The following MYLIP variants were observed in gnomAD, a reference collection of about 807,000 sequenced individuals.
MYLIP encodes E3 ubiquitin-protein ligase MYLIP.
Under a neutral mutation model 45.8 loss-of-function variants are expected in MYLIP, and 26 were observed. That is an observed-to-expected ratio of 0.57 (90% confidence interval 0.42 to 0.79). MYLIP has a LOEUF of 0.79. MYLIP is among the 30% of genes least tolerant of loss of function. The probability of loss-of-function intolerance (pLI) is 0.00; values close to 1 mark genes in which losing one functional copy is unlikely to be tolerated. For synonymous variants in MYLIP, 213 were observed against 218.1 expected, an observed-to-expected ratio of 0.98 and a Z score of 0.21; for missense variants, 494 against 555.6, an observed-to-expected ratio of 0.89 and a Z score of 1.11.
chr6:16,148,459 CAAGA>C (rs1759839756), downstream of MYLIP, among the ~76,000 whole-genome samples: 1 of 107,364 alleles, frequency 9.3e-6, no homozygotes, highest in African/African-American at 3.5e-5. Context: ...TTTTTTTTTT[CAAGA>C]AAACTTGAAA....
chr6:16,143,105 A>G lies in MYLIP; in HGVS notation c.550A>G (p.Asn184Asp), dbSNP rs1759707353. The G allele has an allele frequency of 5.0e-6, 8 of 1,614,228 alleles. No homozygotes were observed. The highest frequency in any genetic ancestry group is 5.9e-6 in the Non-Finnish European group (7 of 1,180,034). Reference protein sequence around the residue: ...QVLQIVSAMENYGIEWHSVRD... With the variant: ...QVLQIVSAMEDYGIEWHSVRD... ...TTTGCAGATTGTGTCGGCAATGGAA[A>G]ACTATGGCATAGAATGGCATTCTGT... The change falls in exon 4 of 7, where the codon AAC becomes GAC. Residue 184 changes from asparagine (N) to aspartate (D), a missense_variant. Coordinates refer to ENST00000356840, the MANE Select transcript of MYLIP (RefSeq NM_013262.4).
chr6:16,150,065 T>A (rs1190319449), downstream of MYLIP, among the ~76,000 whole-genome samples: 2 of 152,140 alleles, frequency 1.3e-5, no homozygotes, highest in Non-Finnish European at 2.9e-5. Context: ...TTTGAAGACA[T>A]GACAACTTAG....
chr6:16,141,516 G>T, intron 2 of MYLIP, 109 bp from the exon 3 acceptor site: 5 of 1,042,690 alleles, frequency 4.8e-6, no homozygotes, highest in Non-Finnish European at 6.8e-6. Context: ...CATTTTCAGT[G>T]TGACTTTTAA....
chr6:16,132,440 T>A (rs1341430124), intron 2 of MYLIP, among the ~76,000 whole-genome samples: 6 of 152,206 alleles, frequency 3.9e-5, no homozygotes, highest in Non-Finnish European at 8.8e-5. Context: ...TTGAGATTCA[T>A]AATAGTACTC....
At chr6:16,150,544 T>C (rs1759863379), downstream of MYLIP, among the ~76,000 whole-genome samples, 1 of 152,068 alleles carries the variant, frequency 6.6e-6, no homozygotes, top group African/African-American at 2.4e-5. Flanking sequence ...GGAGGGCCTC[T>C]CCTATGCACT....
At position 16,146,063 on chromosome 6, in the gene MYLIP, T is replaced by C. The variant is rs1003543232; in HGVS notation, c.1249-599T>C. Among the ~76,000 whole-genome samples, 7 of 152,354 alleles carry C rather than the reference T, an allele frequency of 4.6e-5. No homozygotes were observed. The South Asian group carries it at 1.0e-3, about 23-fold the overall frequency. On this transcript the variant is annotated intron_variant, in intron 6 of 6. Coordinates refer to ENST00000356840, the MANE Select transcript of MYLIP (RefSeq NM_013262.4). ...AGAGCTAATAAGACCAAATGACCCC[T>C]GTGTCCTTTCCCCAGAAGCAGTCAT...
chr6:16,145,713 G>C (rs1238267891), intron 6 of MYLIP, among the ~76,000 whole-genome samples: 3 of 151,950 alleles, frequency 2.0e-5, no homozygotes, highest in Non-Finnish European at 4.4e-5. Flanking sequence ...TAAGATATTT[G>C]GGAAAGAATA....
intron 1 of MYLIP, 59 bp from the exon 2 acceptor site, chr6:16,130,498 T>C: frequency 1.3e-6 from 2 of 1,518,218 alleles, no homozygotes; most frequent in South Asian, 2.4e-5. Context: ...CAGGGAGCCG[T>C]TGGGTTTGCT....
intron 2 of MYLIP, among the ~76,000 whole-genome samples, chr6:16,132,667 A>C (rs1326103667): frequency 1.3e-5 from 2 of 152,198 alleles, no homozygotes; most frequent in African/African-American, 2.4e-5. Flanking sequence ...GTACCTCTTA[A>C]TTAGGACATC....
chr6:16,141,677 T>C lies in MYLIP; in HGVS notation c.331T>C (p.Cys111Arg). 1 of 1,614,072 alleles carries C rather than the reference T, an allele frequency of 6.2e-7. No individual in the cohort carries two copies. Among genetic ancestry groups the C allele is most frequent in the African/African-American group, 1.3e-5 (1 of 75,046 alleles). The change falls in exon 3 of 7, where the codon TGT (cysteine) becomes CGT (arginine). Residue 111 changes from cysteine to arginine, a missense_variant. Physicochemically the swap from Cys to Arg is radical, Grantham distance 180 (BLOSUM62 -3). Coordinates refer to ENST00000356840, the MANE Select transcript of MYLIP (RefSeq NM_013262.4). Reference protein sequence around the residue: ...KEALLAGHLLCSPEQAVELSA... With the variant: ...KEALLAGHLLRSPEQAVELSA... ...GGCCCTCTTGGCAGGCCACCTCTTG[T>C]GTTCCCCAGAGCAGGCAGTGGAACT...
In MYLIP at chr6:16,146,879, A is replaced by AG; in HGVS notation, c.*128_*129insG. 2.4e-6 allele frequency: 2 copies of AG among 817,318 alleles called. No homozygotes were observed. Among genetic ancestry groups the AG allele is most frequent in the Non-Finnish European group, 3.7e-6 (2 of 534,822 alleles). 50.6% of individuals were successfully genotyped at this position (817,318 alleles called of 1,614,324 possible). A position where few individuals can be genotyped will look rare whatever the true frequency, so the allele number is the denominator to read the frequency against. The stretch of plus-strand genomic sequence containing the variant: ...TGCCATGCGATGTTAAAAAAAAAAA[A>AG]AAGGAAGAAAAATAACACAGCTACT... On this transcript the variant is annotated 3_prime_UTR_variant, in exon 7 of 7. Transcript: ENST00000356840.
intron 2 of MYLIP, among the ~76,000 whole-genome samples, chr6:16,131,464 C>A (rs1178033297): frequency 1.3e-5 from 2 of 152,172 alleles, no homozygotes; most frequent in African/African-American, 4.8e-5. Flanking sequence ...ATGTTCTCCC[C>A]TGGACTGACT....
chr6:16,140,372 T>G (rs1189897893), intron 2 of MYLIP, among the ~76,000 whole-genome samples: 1 of 152,114 alleles, frequency 6.6e-6, no homozygotes, highest in African/African-American at 2.4e-5. Context: ...TTAGTAAATG[T>G]AGAATATAGT....
At chr6:16,158,014 C>T in the MYLIP span, among the ~76,000 whole-genome samples, 1 of 152,182 alleles carries the variant, frequency 6.6e-6, no homozygotes, top group African/African-American at 2.4e-5. Context: ...ACTACAGAAC[C>T]CCAAAAAGAA....
Position 16,141,806 on chromosome 6 carries a change from A to G in MYLIP, c.460A>G (p.Asn154Asp). ...CAAGGAGCTCTCCTCTGCCACCTTG[A>G]ACAGGTGAGGCTGTTGAATATAGTA... ...CAKELSSATL[N>D]SIVAKHKELE... Residue 154 changes from asparagine to aspartate, a missense_variant, in exon 3 of 7, where the codon AAC becomes GAC. Asn to Asp is a conservative substitution (Grantham distance 23). Transcript: ENST00000356840. The G allele has an allele frequency of 1.2e-6, 2 of 1,611,914 alleles. No individual in the cohort carries two copies. Among genetic ancestry groups the G allele is most frequent in the African/African-American group, 2.7e-5 (2 of 75,024 alleles).
chr6:16,148,343 C>A (rs1759836969), downstream of MYLIP: 1 of 151,432 alleles, frequency 6.6e-6, no homozygotes, highest in African/African-American at 2.4e-5. Context: ...TTTCCTCCTA[C>A]CGGGAATTTA....
rs914379403 is a variant in MYLIP, at chr6:16,146,576, C to T, written c.1249-86C>T. 9 of 967,360 alleles carry T rather than the reference C, an allele frequency of 9.3e-6. No homozygotes were observed. The Admixed American group carries it at 1.7e-4, about 18-fold the overall frequency. 59.9% of individuals were successfully genotyped at this position (967,360 alleles called of 1,614,324 possible). On this transcript the variant is annotated intron_variant, in intron 6 of 6. Transcript: ENST00000356840. ...CACAATTGATTTAGAAAATTAAATG[C>T]ACTAGAGACCAGGGGTGTGCACAGA...
In MYLIP at chr6:16,132,126, T is replaced by C. The variant is rs532377553; in HGVS notation, c.278+1379T>C. Among the ~76,000 whole-genome samples, 43 of 152,352 alleles carry C rather than the reference T, an allele frequency of 2.8e-4. No homozygotes were observed. The South Asian group carries it at 8.5e-3, about 30-fold the overall frequency. On this transcript the variant is annotated intron_variant, in intron 2 of 6. Coordinates refer to ENST00000356840, the MANE Select transcript of MYLIP (RefSeq NM_013262.4). ...GATTTTGTAATTATTTCAAGATCTC[T>C]AGATGCAACCCAGTTTTGATGGCAC...
downstream of MYLIP, among the ~76,000 whole-genome samples, chr6:16,151,331 T>G (rs1367872991): frequency 4.0e-5 from 6 of 149,360 alleles, no homozygotes; most frequent in Middle Eastern, 3.2e-3. Flanking sequence ...CACTTTGGAC[T>G]GGGCGACAGA....
Sources: allele counts gnomAD v4.1 joint callset (sites outside exome capture counted in the v4.1 genomes callset), GRCh38; gene constraint gnomAD v4.1.1; transcripts MANE v1.5; gene names NCBI Gene and HGNC (gene_info 2026-07-23, HGNC 2026-07-21).